The following CCDC175 variants were observed in gnomAD, a reference collection of about 807,000 sequenced individuals.
The protein encoded by CCDC175 is coiled-coil domain containing 175.
CCDC175 carries 100 observed loss-of-function variants against 114.6 expected under a neutral mutation model. That is an observed-to-expected ratio of 0.87 (90% CI 0.74 to 1.03). The LOEUF is 1.03. CCDC175 is among the 50% of genes least tolerant of loss of function. The probability of loss-of-function intolerance (pLI) is 0.00; values close to 1 mark genes in which losing one functional copy is unlikely to be tolerated. For synonymous variants in CCDC175, 306 were observed against 308.7 expected (o/e 0.99, Z 0.09); for missense variants, 880 against 917.8 (o/e 0.96, Z 0.53).
At chr14:59,514,865 CA>C (rs1259718445) in intron 17 of CCDC175, among the ~76,000 whole-genome samples, 3 of 152,102 alleles carry the variant, frequency 2.0e-5, no homozygotes, top group African/African-American at 7.2e-5. Flanking sequence ...ACATAATTGT[CA>C]GATTCACCAA....
intron 19 of CCDC175, among the ~76,000 whole-genome samples, chr14:59,508,481 G>C (rs1190288823): frequency 6.9e-6 from 1 of 144,622 alleles, no homozygotes; most frequent in Non-Finnish European, 1.5e-5. Flanking sequence ...CCTGCTACTT[G>C]GGAGACTGAG....
In CCDC175 at chr14:59,521,593, CCGAGA is replaced by C. The variant is rs1381258998; in HGVS notation, c.2074_2078del (p.Ser692AlafsTer10). The C allele has an allele frequency of 1.3e-6, 2 of 1,533,240 alleles. No homozygotes were observed. The highest frequency in any genetic ancestry group is 1.4e-5 in the African/African-American group (1 of 72,872). 95.0% of individuals were successfully genotyped at this position (1,533,240 alleles called of 1,614,324 possible). ...ACTTACCCTCCTGAGCTATTAGTTG[CCGAGA>C]CAAGTCGCTTGAGGTGTGCATGAGG... On this transcript the variant is annotated frameshift_variant, in exon 17 of 20. Transcript: ENST00000537690. LOFTEE classifies it high-confidence loss of function.
At chr14:59,565,370 G>A (rs1002824916) in intron 4 of CCDC175, 95 bp from the exon 5 acceptor site, 45 of 962,364 alleles carry the variant, frequency 4.7e-5, no homozygotes, top group Non-Finnish European at 5.9e-5. Context: ...GAGGAAAAGT[G>A]TAAGGAATAC....
intron 9 of CCDC175, 47 bp downstream of exon 9, chr14:59,545,116 C>T (rs1371956459): frequency 1.3e-6 from 2 of 1,508,014 alleles, no homozygotes; most frequent in Non-Finnish European, 8.8e-7. Flanking sequence ...AAGAAAAGCA[C>T]CCCATAATGA....
At chr14:59,551,317 T>C in intron 8 of CCDC175, 38 bp downstream of exon 8, 1 of 909,928 alleles carries the variant, frequency 1.1e-6, no homozygotes, top group South Asian at 2.1e-5. Flanking sequence ...AAATGAAATG[T>C]AATTATAATG....
At position 59,532,044 on chromosome 14, in the gene CCDC175, C is replaced by T. The variant is rs114186029; in HGVS notation, c.1624-134G>A. On this transcript the variant is annotated intron_variant, in intron 13 of 19. Coordinates refer to ENST00000537690, the MANE Select transcript of CCDC175 (RefSeq NM_001164399.2). ...TCCTATCCTGAGGTACATAGAAAGA[C>T]ATATGGCATATACTAATCTTTTAAT... The T allele has an allele frequency of 2.8e-3, 1,582 of 567,810 alleles. 21 individuals carry two copies. Among genetic ancestry groups the T allele is most frequent in the African/African-American group, 0.026 (1,369 of 52,782 alleles). 35.2% of individuals were successfully genotyped at this position (567,810 alleles called of 1,614,324 possible). A position where few individuals can be genotyped will look rare whatever the true frequency, so the allele number is the denominator to read the frequency against.
chr14:59,575,311 A>C (rs548479720), intron 1 of CCDC175, among the ~76,000 whole-genome samples: 1 of 152,330 alleles, frequency 6.6e-6, no homozygotes, highest in South Asian at 2.1e-4. Flanking sequence ...TTTCCTATGA[A>C]ATATGTTCTG....
intron 17 of CCDC175, among the ~76,000 whole-genome samples, chr14:59,513,545 A>T (rs907602250): frequency 2.6e-5 from 4 of 152,196 alleles, no homozygotes; most frequent in Admixed American, 2.6e-4. Context: ...GGAGGGTCCT[A>T]TGCCCACGGA....
intron 17 of CCDC175, among the ~76,000 whole-genome samples, chr14:59,513,180 G>C (rs369281528): frequency 1.3e-5 from 2 of 152,144 alleles, no homozygotes; most frequent in African/African-American, 4.8e-5. Context: ...GTTCACTTGA[G>C]GGGGGTGGAG....
chr14:59,552,981 A>G (rs1311034618), intron 7 of CCDC175, among the ~76,000 whole-genome samples: 2 of 152,236 alleles, frequency 1.3e-5, no homozygotes, highest in African/African-American at 4.8e-5. Flanking sequence ...GACCACATCT[A>G]CGTCTGATTG....
At chr14:59,528,314 T>C (rs778005357) in intron 14 of CCDC175, among the ~76,000 whole-genome samples, 1 of 152,164 alleles carries the variant, frequency 6.6e-6, no homozygotes, top group Non-Finnish European at 1.5e-5. Context: ...TCCACACTAA[T>C]ATGGCTTAGT....
chr14:59,527,309 G>T, intron 14 of CCDC175, 135 bp from the exon 15 acceptor site: 1 of 502,428 alleles, frequency 2.0e-6, no homozygotes. Flanking sequence ...ACTCCACAAT[G>T]CTATGTTTAC....
chr14:59,511,848 G>T, intron 17 of CCDC175, 45 bp from the exon 18 acceptor site: 2 of 1,310,528 alleles, frequency 1.5e-6, no homozygotes, highest in Non-Finnish European at 2.1e-6. Flanking sequence ...GACACAATCT[G>T]AACATTTTAA....
rs1037780701 is a variant in CCDC175, at chr14:59,511,935, T to A, written c.2099-132A>T. ...AATGTCTAGTTCCAAAATGACAGAA[T>A]AACTGAATTGGACCTGCCCTCCCAC... On this transcript the variant is annotated intron_variant, in intron 17 of 19. Coordinates refer to ENST00000537690, the MANE Select transcript of CCDC175 (RefSeq NM_001164399.2). 1.7e-5 allele frequency: 11 copies of A among 661,552 alleles called. No individual in the cohort carries two copies. In the African/African-American group the frequency reaches 2.0e-4, roughly 12 times the overall value. The allele number at this position is 661,552 out of a possible 1,614,324, so 41.0% of individuals were successfully genotyped here. A position where few individuals can be genotyped will look rare whatever the true frequency, so the allele number is the denominator to read the frequency against.
In CCDC175 at chr14:59,505,283, A is replaced by G; in HGVS notation, c.2338T>C (p.Phe780Leu). ...TTCTCAGTACATTTAACCACTGGGA[A>G]ATGAACCCTTGTACGAATGTGTTTC... ...KKKHIRTRVH[F>L]PVVKCTEKNT... Residue 780 changes from phenylalanine to leucine, a missense_variant, in exon 20 of 20, where the codon TTC becomes CTC. Transcript: ENST00000537690. 1 of 1,510,598 alleles carries G rather than the reference A, an allele frequency of 6.6e-7. No homozygotes were observed. Among genetic ancestry groups the G allele is most frequent in the Non-Finnish European group, 8.9e-7 (1 of 1,129,072 alleles). The allele number at this position is 1,510,598 out of a possible 1,614,324, so 93.6% of individuals were successfully genotyped here.
intron 8 of CCDC175, among the ~76,000 whole-genome samples, chr14:59,547,646 T>C (rs925550484): frequency 4.6e-5 from 7 of 152,152 alleles, no homozygotes; most frequent in African/African-American, 1.7e-4. Flanking sequence ...GACAACCTTA[T>C]GGAAAAATAT....
chr14:59,521,419 G>A (rs113633819), intron 17 of CCDC175, among the ~76,000 whole-genome samples, 155 bp downstream of exon 17: 1,847 of 152,216 alleles, frequency 0.012, 30 homozygotes, highest in African/African-American at 0.043. Context: ...TGGATTCCTT[G>A]CTCCTCAACT....
Position 59,538,100 on chromosome 14 carries a change from T to G in CCDC175, c.1546A>C (p.Thr516Pro). Residue 516 changes from threonine (T) to proline (P), a missense_variant, in exon 13 of 20, where the codon ACA becomes CCA. By Grantham distance (38) the Thr-to-Pro change is conservative. Coordinates refer to ENST00000537690, the MANE Select transcript of CCDC175 (RefSeq NM_001164399.2). ...TTCTCCTCTTCTTTTAATTCTGTTG[T>G]AAGTTTTTCAATCTGTGCCACAAAT... The part of the protein sequence containing the change: ...SGFVAQIEKL[T>P]TELKEEEKAF... 1 of 1,533,748 alleles carries G rather than the reference T, an allele frequency of 6.5e-7. No homozygotes were observed. The highest frequency in any genetic ancestry group is 8.7e-7 in the Non-Finnish European group (1 of 1,143,802).
At chr14:59,545,835 T>G (rs1895074329) in intron 8 of CCDC175, among the ~76,000 whole-genome samples, 1 of 152,168 alleles carries the variant, frequency 6.6e-6, no homozygotes, top group Non-Finnish European at 1.5e-5. Flanking sequence ...AAAACAACCT[T>G]CTATCTGAGG....
Sources: allele counts gnomAD v4.1 joint callset (sites outside exome capture counted in the v4.1 genomes callset), GRCh38; gene constraint gnomAD v4.1.1; transcripts MANE v1.5; gene names NCBI Gene and HGNC (gene_info 2026-07-23, HGNC 2026-07-21).